The following MAST4 variants were observed in gnomAD, a reference collection of about 807,000 sequenced individuals.
The protein encoded by MAST4 is microtubule-associated serine/threonine-protein kinase 4.
A neutral mutation model predicts 162.7 loss-of-function variants in MAST4; 89 were observed. The ratio of observed to expected loss-of-function variants is 0.55; its 90% confidence interval spans 0.46 to 0.65. MAST4 has a LOEUF of 0.65. Among genes scored for constraint, MAST4 ranks in the 30% least tolerant of loss-of-function variants. MAST4 has a pLI of 0.00. For missense variants in MAST4, 3,153 were observed against 3,374.0 expected, an observed-to-expected ratio of 0.93 and a Z score of 1.62; for synonymous variants, 1,479 against 1,361.1, an observed-to-expected ratio of 1.09 and a Z score of -1.91.
chr5:66,788,574 G>T, intron 2 of MAST4, 96 bp from the exon 3 acceptor site: 2 of 1,372,712 alleles, frequency 1.5e-6, no homozygotes, highest in Non-Finnish European at 2.0e-6. Context: ...ACAGAACAAG[G>T]TTGGCCAGGA....
chr5:66,645,422 C>CA (rs1233936363), intron 1 of MAST4, among the ~76,000 whole-genome samples: 5 of 152,134 alleles, frequency 3.3e-5, no homozygotes, highest in Non-Finnish European at 4.4e-5. Context: ...GAATGAAGTG[C>CA]AAAGACGATG....
intron 3 of MAST4, among the ~76,000 whole-genome samples, chr5:66,828,184 G>GCC (rs1757365394): frequency 6.6e-6 from 1 of 152,184 alleles, no homozygotes; most frequent in Non-Finnish European, 1.5e-5. Context: ...CTGAAGGGCA[G>GCC]GTATTTATGT....
chr5:66,634,106 C>T (rs1041479435), intron 1 of MAST4, among the ~76,000 whole-genome samples: 1 of 152,158 alleles, frequency 6.6e-6, no homozygotes, highest in South Asian at 2.1e-4. Flanking sequence ...GTTGCTTAGG[C>T]TACAGTCCAG....
intron 21 of MAST4, among the ~76,000 whole-genome samples, chr5:67,144,327 A>G (rs1310337522): frequency 2.0e-5 from 3 of 152,178 alleles, no homozygotes; most frequent in Admixed American, 1.3e-4. Flanking sequence ...GTTAAAAAGT[A>G]ATCAAGATGT....
intron 4 of MAST4, among the ~76,000 whole-genome samples, chr5:66,915,742 G>A (rs534869838): frequency 6.6e-6 from 1 of 152,188 alleles, no homozygotes; most frequent in Admixed American, 6.5e-5. Context: ...CTGCACTGGG[G>A]GGCTAGTCCT....
intron 1 of MAST4, among the ~76,000 whole-genome samples, chr5:66,649,602 T>A (rs184267150): frequency 1.1e-4 from 17 of 152,320 alleles, no homozygotes; most frequent in Admixed American, 8.5e-4. Context: ...TGCTCAGAGA[T>A]CATTTCCACT....
At chr5:67,049,306 A>G (rs1030798072) in intron 4 of MAST4, among the ~76,000 whole-genome samples, 80 of 151,818 alleles carry the variant, frequency 5.3e-4, no homozygotes, top group Non-Finnish European at 7.7e-4. Flanking sequence ...AAAATTTTTG[A>G]GACCAAAAAA....
intron 4 of MAST4, among the ~76,000 whole-genome samples, chr5:66,968,212 T>C (rs1459070299): frequency 6.6e-6 from 1 of 152,216 alleles, no homozygotes; most frequent in East Asian, 1.9e-4. Flanking sequence ...CCCCAACATC[T>C]TCCTGGATGA....
intron 19 of MAST4, among the ~76,000 whole-genome samples, chr5:67,137,906 A>G (rs1292442543): frequency 6.6e-6 from 1 of 152,238 alleles, no homozygotes; most frequent in African/African-American, 2.4e-5. Context: ...AAAGCTTTCC[A>G]GACCCTGCAT....
intron 8 of MAST4, among the ~76,000 whole-genome samples, chr5:67,102,227 C>T (rs1032275195): frequency 6.6e-6 from 1 of 152,094 alleles, no homozygotes; most frequent in Non-Finnish European, 1.5e-5. Flanking sequence ...TATGCAAGCT[C>T]ATACTACATG....
chr5:67,163,609 G>C lies in MAST4; in HGVS notation c.4430G>C (p.Arg1477Pro), dbSNP rs750479415. 3 of 1,602,090 alleles carry C rather than the reference G, an allele frequency of 1.9e-6. No homozygotes were observed. The Admixed American group carries it at 5.2e-5, about 28-fold the overall frequency. The change falls in exon 29 of 29, where the codon CGG becomes CCG. Residue 1477 changes from arginine (R) to proline (P), a missense_variant. Coordinates refer to ENST00000403625, the MANE Select transcript of MAST4 (RefSeq NM_001164664.2). This position sits in a 1 kb window ranked among gnomAD's most constrained non-coding sequence, Gnocchi z 7.0. The part of the protein sequence containing the change: ...SLEVTQEEVQ[R>P]EQSQREAPLQ... ...GAGGTGACCCAAGAGGAGGTGCAGC[G>C]GGAGCAGTCCCAGCGGGAGGCGCCG...
At chr5:66,842,984 A>G (rs1263573573) in intron 3 of MAST4, among the ~76,000 whole-genome samples, 1 of 152,168 alleles carries the variant, frequency 6.6e-6, no homozygotes, top group Non-Finnish European at 1.5e-5. Context: ...GCCTAGACCA[A>G]TCAAAATAAT....
At position 67,163,493 on chromosome 5, in the gene MAST4, C is replaced by T; in HGVS notation, c.4314C>T (p.Ser1438=). ...CCAAGAGTGCGGAGCCCCCCAGGTC[C>T]CCGCTGCTCAAGCGCGTGCAGTCCG... ...VRPKSAEPPR[S]PLLKRVQSEE... is the part of the protein sequence containing the mutation. Residue 1438 remains serine (S), a synonymous_variant, in exon 29 of 29, where the codon TCC becomes TCT. Coordinates refer to ENST00000403625, the MANE Select transcript of MAST4 (RefSeq NM_001164664.2). The surrounding 1 kb of genome is among the most constrained non-coding windows in gnomAD (Gnocchi z 7.0). 1 of 1,613,110 alleles carries T rather than the reference C, an allele frequency of 6.2e-7. No individual in the cohort carries two copies. Among genetic ancestry groups the T allele is most frequent in the African/African-American group, 1.3e-5 (1 of 75,024 alleles).
chr5:67,056,660 A>G (rs533036081), intron 5 of MAST4, among the ~76,000 whole-genome samples: 1 of 152,288 alleles, frequency 6.6e-6, no homozygotes, highest in Admixed American at 6.5e-5. Flanking sequence ...AATCAGAGGA[A>G]TGGGCAGAGG....
chr5:66,618,049 A>G (rs994299658), intron 1 of MAST4, among the ~76,000 whole-genome samples: 1 of 145,036 alleles, frequency 6.9e-6, no homozygotes, highest in Non-Finnish European at 1.5e-5. Context: ...GGGGGCCCTG[A>G]TTCTGTGTCT....
chr5:67,075,189 TAGAG>T (rs529759503), intron 5 of MAST4, among the ~76,000 whole-genome samples: 2 of 151,342 alleles, frequency 1.3e-5, no homozygotes, highest in African/African-American at 2.4e-5. Flanking sequence ...CGTTCCTTTT[TAGAG>T]AGAGTTTTGC....
chr5:66,892,290 C>A (rs571227253), intron 3 of MAST4, among the ~76,000 whole-genome samples: 2 of 152,320 alleles, frequency 1.3e-5, no homozygotes, highest in East Asian at 3.9e-4. Flanking sequence ...TCCTGACCCT[C>A]CTCAGAGAAA....
intron 3 of MAST4, among the ~76,000 whole-genome samples, chr5:66,845,120 T>TACAC (rs1335491185): frequency 2.4e-5 from 3 of 125,208 alleles, no homozygotes; most frequent in Middle Eastern, 3.9e-3. Flanking sequence ...TATATATATA[T>TACAC]ATATATACAC....
chr5:66,636,000 C>T (rs1166067671), intron 1 of MAST4, among the ~76,000 whole-genome samples: 2 of 123,074 alleles, frequency 1.6e-5, no homozygotes, highest in Non-Finnish European at 3.2e-5. Flanking sequence ...GCTCTGTCAC[C>T]AGGCTAGAGT....
Sources: allele counts gnomAD v4.1 joint callset (sites outside exome capture counted in the v4.1 genomes callset), GRCh38; gene constraint gnomAD v4.1.1; non-coding constraint Gnocchi (gnomAD v3.1); transcripts MANE v1.5; gene names NCBI Gene and HGNC (gene_info 2026-07-23, HGNC 2026-07-21).